The following ENTPD1 variants were observed in gnomAD, a reference collection of about 807,000 sequenced individuals.
ENTPD1 encodes the protein ectonucleoside triphosphate diphosphohydrolase 1.
A neutral mutation model predicts 57.0 loss-of-function variants in ENTPD1; 33 were observed. The observed-to-expected ratio is 0.58, with a 90% CI of 0.44 to 0.77. ENTPD1 has a LOEUF of 0.77. ENTPD1 is among the 30% of genes least tolerant of loss of function. The pLI is 0.00. For synonymous variants in ENTPD1, 202 were observed against 218.8 expected (o/e 0.92, Z 0.68); for missense variants, 501 against 603.4 (o/e 0.83, Z 1.78).
chr10:95,711,842 T>G (rs1165097002), exon 1 of ENTPD1: 2 of 1,483,762 alleles, frequency 1.3e-6, no homozygotes, highest in African/African-American at 1.4e-5. Flanking sequence ...CCTGCCTTTT[T>G]TGTCAGCGAT....
At chr10:95,710,352 C>G (rs190223673), upstream of ENTPD1, among the ~76,000 whole-genome samples, 1 of 152,104 alleles carries the variant, frequency 6.6e-6, no homozygotes, top group Non-Finnish European at 1.5e-5. Context: ...TTGCAGTGAG[C>G]AGAGATTACA....
chr10:95,770,254 TGA>T (rs34873600), intron 1 of ENTPD1, among the ~76,000 whole-genome samples: 13,623 of 121,294 alleles, frequency 0.11, 716 homozygotes, highest in Middle Eastern at 0.23. Flanking sequence ...AGTGAGTGAG[TGA>T]GTGTGTGTGT....
upstream of ENTPD1, chr10:95,753,714 G>A (rs975334835): frequency 3.3e-5 from 5 of 152,226 alleles, no homozygotes; most frequent in Non-Finnish European, 7.3e-5. Context: ...AGAGAACTGT[G>A]GCTAGGCACT....
chr10:95,823,397 T>C (rs776038920), intron 2 of ENTPD1, 33 bp downstream of exon 2: 24 of 1,612,954 alleles, frequency 1.5e-5, no homozygotes, highest in Non-Finnish European at 1.8e-5. Flanking sequence ...TTTGTGTGTA[T>C]GTAAGAGGAG....
At chr10:95,809,637 G>A (rs1434830186) in intron 1 of ENTPD1, among the ~76,000 whole-genome samples, 2 of 148,350 alleles carry the variant, frequency 1.3e-5, no homozygotes, top group African/African-American at 2.5e-5. Flanking sequence ...CCCAGACGGG[G>A]CGGATGCCGG....
intron 1 of ENTPD1, among the ~76,000 whole-genome samples, chr10:95,767,865 T>A (rs1041007016): frequency 6.6e-6 from 1 of 152,174 alleles, no homozygotes; most frequent in Non-Finnish European, 1.5e-5. Flanking sequence ...TAATCCCCAG[T>A]ATAACAATGT....
At chr10:95,819,054 C>A (rs2098339565) in intron 1 of ENTPD1, among the ~76,000 whole-genome samples, 1 of 152,186 alleles carries the variant, frequency 6.6e-6, no homozygotes, top group Non-Finnish European at 1.5e-5. Flanking sequence ...CACCCCAAAT[C>A]TGTTTATTAA....
chr10:95,724,723 C>T (rs760730339), intron 1 of ENTPD1, among the ~76,000 whole-genome samples: 1 of 152,080 alleles, frequency 6.6e-6, no homozygotes, highest in East Asian at 1.9e-4. Context: ...GATGGGTCTG[C>T]GACGGTGGCA....
At chr10:95,805,056 G>A (rs952330748) in intron 1 of ENTPD1, among the ~76,000 whole-genome samples, 9 of 152,132 alleles carry the variant, frequency 5.9e-5, no homozygotes, top group Non-Finnish European at 1.5e-5. Context: ...TTAACCTTCT[G>A]TCTCGTTGAT....
intron 2 of ENTPD1, among the ~76,000 whole-genome samples, chr10:95,836,775 C>A (rs1312836579): frequency 1.3e-5 from 2 of 152,202 alleles, no homozygotes; most frequent in African/African-American, 4.8e-5. Context: ...CTCTCTGGAA[C>A]ATGCATTGGA....
At chr10:95,695,733 C>A in the ENTPD1 span, among the ~76,000 whole-genome samples, 1 of 152,014 alleles carries the variant, frequency 6.6e-6, no homozygotes, top group Non-Finnish European at 1.5e-5. Context: ...ATGTAAATTC[C>A]AAAAATAGTG....
chr10:95,753,181 A>C (rs879433398), upstream of ENTPD1: 40 of 151,800 alleles, frequency 2.6e-4, no homozygotes, highest in South Asian at 1.9e-3. Flanking sequence ...ACAAAAAAAA[A>C]CAATAAAATT....
In ENTPD1 at chr10:95,874,194, C is replaced by G. The variant is rs1224798771; in HGVS notation, c.*7811C>G. Reference sequence around the variant, plus strand: ...AGTCTCATCTGAGACAAGGCAAGTCCCTTCCACTTACAAGCCTGTAAAAGC... The same window carrying G: ...AGTCTCATCTGAGACAAGGCAAGTCGCTTCCACTTACAAGCCTGTAAAAGC... On this transcript the variant is annotated 3_prime_UTR_variant, in exon 10 of 10. Transcript: ENST00000371205. Among the ~76,000 whole-genome samples, 1 of 152,166 alleles carries G rather than the reference C, an allele frequency of 6.6e-6. No homozygotes were observed. The highest frequency in any genetic ancestry group is 1.5e-5 in the Non-Finnish European group (1 of 68,026).
chr10:95,876,650 G>C lies in ENTPD1; in HGVS notation c.*10267G>C. On this transcript the variant is annotated 3_prime_UTR_variant, in exon 10 of 10. Transcript: ENST00000371205. ...GAAGGATGTATTTGGCTGTCTTCTG[G>C]ACAGGCCATTCTAATAACAGAAACA... 1 of 1,228,302 alleles carries C rather than the reference G, an allele frequency of 8.1e-7. No homozygotes were observed. Among genetic ancestry groups the C allele is most frequent in the Non-Finnish European group, 1.0e-6 (1 of 986,286 alleles). The allele number at this position is 1,228,302 out of a possible 1,614,324, so 76.1% of individuals were successfully genotyped here.
At chr10:95,837,302 A>T (rs148380070) in intron 2 of ENTPD1, among the ~76,000 whole-genome samples, 1 of 152,310 alleles carries the variant, frequency 6.6e-6, no homozygotes, top group Non-Finnish European at 1.5e-5. Flanking sequence ...TTCTGGCAGG[A>T]AGAAATCAGG....
Position 95,872,983 on chromosome 10 carries a change from A to T in ENTPD1, c.*6600A>T. On this transcript the variant is annotated 3_prime_UTR_variant, in exon 10 of 10. Transcript: ENST00000371205. ...AACAGAATTTTAAGGATTAGAATGA[A>T]CCTTAAAAGATCATGCATCTCAAAA... The T allele has an allele frequency of 1.0e-6, 1 of 985,210 alleles. No homozygotes were observed. Among genetic ancestry groups the T allele is most frequent in the Non-Finnish European group, 1.2e-6 (1 of 829,728 alleles). 61.0% of individuals were successfully genotyped at this position (985,210 alleles called of 1,614,324 possible). A position where few individuals can be genotyped will look rare whatever the true frequency, so the allele number is the denominator to read the frequency against.
At chr10:95,738,338 T>C (rs2097996773) in intron 1 of ENTPD1, among the ~76,000 whole-genome samples, 1 of 152,208 alleles carries the variant, frequency 6.6e-6, no homozygotes, top group Non-Finnish European at 1.5e-5. Context: ...CAGATAAGAA[T>C]ATGAACCAGC....
intron 1 of ENTPD1, among the ~76,000 whole-genome samples, chr10:95,718,055 T>G (rs2097973607): frequency 6.6e-6 from 1 of 152,120 alleles, no homozygotes; most frequent in African/African-American, 2.4e-5. Flanking sequence ...TTAGAAAAAC[T>G]CCTATATGAT....
intron 1 of ENTPD1, among the ~76,000 whole-genome samples, chr10:95,746,250 C>T (rs2139889187): frequency 6.6e-6 from 1 of 152,266 alleles, no homozygotes; most frequent in East Asian, 1.9e-4. Context: ...CTGAGTGCCA[C>T]CTATGTGCCA....
Sources: gnomAD v4.1 joint callset for allele counts (sites outside exome capture counted in the v4.1 genomes callset) on GRCh38, gnomAD v4.1.1 for gene constraint, MANE v1.5 for transcripts, NCBI Gene and HGNC (gene_info 2026-07-23, HGNC 2026-07-21) for gene names.